ZNF714: variants seen among roughly 807,000 people sequenced by gnomAD.
The protein encoded by ZNF714 is zinc finger protein 714.
ZNF714 carries 32 observed loss-of-function variants against 46.2 expected under a neutral mutation model. The observed-to-expected ratio is 0.69, with a 90% CI of 0.52 to 0.93. The LOEUF (loss-of-function observed/expected upper bound fraction) is 0.93, where lower values mean the gene tolerates loss of function less well. Ranked by LOEUF, ZNF714 falls within the 40% of genes least tolerant of loss-of-function variation. ZNF714 has a pLI of 0.00. For missense variants in ZNF714, 635 were observed against 646.3 expected (o/e 0.98, Z 0.19); for synonymous variants, 199 against 213.1 (o/e 0.93, Z 0.58).
rs769652030 is a variant in ZNF714 at position 21,117,849 on chromosome 19, A to G, written c.1185A>G (p.Lys395=). Residue 395 remains lysine, a synonymous_variant, in exon 5 of 5, where the codon AAA becomes AAG. Transcript: ENST00000456283. ...TIHKIIHTGE[K]PYKCEECGKA... ...ATAAGATAATTCATACTGGAGAGAAACCTTACAAATGTGAAGAATGTGGCA... is the reference window on the plus strand; with the variant it reads ...ATAAGATAATTCATACTGGAGAGAAGCCTTACAAATGTGAAGAATGTGGCA... The G allele has an allele frequency of 1.9e-6, 3 of 1,612,296 alleles. No homozygotes were observed. The highest frequency in any genetic ancestry group is 2.7e-5 in the African/African-American group (2 of 74,986).
Position 21,118,681 on chromosome 19 carries a change from G to C in ZNF714, c.*349G>C, listed in dbSNP as rs1480950327. ...GAAACCCTACGAGGGTGAAAAACAT[G>C]GCAAAGCCTTTAACAAGCCCTCAAT... On this transcript the variant is annotated 3_prime_UTR_variant, in exon 5 of 5. Coordinates refer to ENST00000456283, the MANE Select transcript of ZNF714 (RefSeq NM_182515.4). The C allele has an allele frequency of 9.6e-6, 2 of 208,808 alleles. No individual in the cohort carries two copies. Among genetic ancestry groups the C allele is most frequent in the Non-Finnish European group, 2.0e-5 (2 of 99,524 alleles). The allele number at this position is 208,808 out of a possible 1,614,324, so 12.9% of individuals were successfully genotyped here. A position where few individuals can be genotyped will look rare whatever the true frequency, so the allele number is the denominator to read the frequency against.
In ZNF714 at chr19:21,118,391, G is replaced by T. The variant is rs552246498; in HGVS notation, c.*59G>T. 7 of 568,270 alleles carry T rather than the reference G, an allele frequency of 1.2e-5. No homozygotes were observed. The highest frequency in any genetic ancestry group is 9.7e-5 in the African/African-American group (5 of 51,712). The allele number at this position is 568,270 out of a possible 1,614,324, so 35.2% of individuals were successfully genotyped here. ...CATTTGAACCTGGGAGGCAGAGGTT[G>T]CAGTGAGCCAAGATCGCGCCATTCT... On this transcript the variant is annotated 3_prime_UTR_variant, in exon 5 of 5. Transcript: ENST00000456283.
At chr19:21,103,501 C>T (rs1363837601) in intron 4 of ZNF714, among the ~76,000 whole-genome samples, 1 of 151,906 alleles carries the variant, frequency 6.6e-6, no homozygotes, top group African/African-American at 2.4e-5. Flanking sequence ...TGCAGTGAGC[C>T]GAGATCACGC....
chr19:21,103,278 G>T, intron 4 of ZNF714, among the ~76,000 whole-genome samples: 1 of 151,916 alleles, frequency 6.6e-6, no homozygotes, highest in East Asian at 1.9e-4. Context: ...AACAGGCCTG[G>T]CTCGGTGGCT....
chr19:21,111,924 A>G (rs766381457), intron 4 of ZNF714, among the ~76,000 whole-genome samples: 6 of 152,252 alleles, frequency 3.9e-5, no homozygotes, highest in African/African-American at 9.6e-5. Context: ...CATCCCAGGA[A>G]TAAAGCTGAC....
chr19:21,124,935 T>C lies in ZNF714; in HGVS notation c.*6603T>C. On this transcript the variant is annotated 3_prime_UTR_variant, in exon 5 of 5. Coordinates refer to ENST00000456283, the MANE Select transcript of ZNF714 (RefSeq NM_182515.4). Reference sequence around the variant, plus strand: ...TATGTAATTTAAAATAATATAATTTTTTTCTTTTTTTTTTTTTTTTTTAAG... The same window carrying C: ...TATGTAATTTAAAATAATATAATTTCTTTCTTTTTTTTTTTTTTTTTTAAG... 1.2e-5 allele frequency: 1 copy of C among 86,486 alleles called. No homozygotes were observed. The highest frequency in any genetic ancestry group is 3.8e-5 in the African/African-American group (1 of 26,138). The allele number at this position is 86,486 out of a possible 1,614,324, so 5.4% of individuals were successfully genotyped here.
At chr19:21,093,613 T>C (rs1200254916) in intron 2 of ZNF714, among the ~76,000 whole-genome samples, 2 of 152,194 alleles carry the variant, frequency 1.3e-5, no homozygotes, top group Non-Finnish European at 2.9e-5. Flanking sequence ...TTTGTTTTTA[T>C]TAAATCTTCT....
intron 4 of ZNF714, among the ~76,000 whole-genome samples, chr19:21,112,510 CAAAA>C (rs34485136): frequency 6.7e-6 from 1 of 148,330 alleles, no homozygotes; most frequent in African/African-American, 2.5e-5. Flanking sequence ...TTAATTTTGT[CAAAA>C]AAACAGCTCC....
Position 21,109,862 on chromosome 19 carries a change from G to A in ZNF714, c.143-6945G>A, listed in dbSNP as rs148623668. ...ATGTCGTGTTTGGTTTTCTGTTCCT[G>A]TGTTAGTTTGCTGAAAATAATGGCT... is the stretch of plus-strand genomic sequence containing the variant. On this transcript the variant is annotated intron_variant, in intron 4 of 4. Coordinates refer to ENST00000456283, the MANE Select transcript of ZNF714 (RefSeq NM_182515.4). 9.1e-3 allele frequency among the ~76,000 whole-genome samples: 1,389 copies of A among 152,176 alleles called. 25 individuals are homozygous for A. Among genetic ancestry groups the A allele is most frequent in the South Asian group, 0.057 (273 of 4,820 alleles).
At chr19:21,110,050 GAA>G (rs1969415015) in intron 4 of ZNF714, among the ~76,000 whole-genome samples, 1 of 152,012 alleles carries the variant, frequency 6.6e-6, no homozygotes, top group South Asian at 2.1e-4. Context: ...GTGCTGCAGT[GAA>G]GATACACATC....
In ZNF714 at chr19:21,122,763, T is replaced by C. The variant is rs774004964; in HGVS notation, c.*4431T>C. The C allele has an allele frequency of 1.5e-4, 23 of 152,348 alleles. 1 individual carries two copies. Among genetic ancestry groups the C allele is most frequent in the African/African-American group, 5.3e-4 (22 of 41,578 alleles). 9.4% of individuals were successfully genotyped at this position (152,348 alleles called of 1,614,324 possible). On this transcript the variant is annotated 3_prime_UTR_variant, in exon 5 of 5. Transcript: ENST00000456283. ...CTTCACGCCATTTCATTTCGCCTGG[T>C]ATTTTGTAGATTTTGATGACAAAAT...
chr19:21,111,746 G>A (rs943521438), intron 4 of ZNF714, among the ~76,000 whole-genome samples: 8 of 152,080 alleles, frequency 5.3e-5, no homozygotes, highest in Admixed American at 3.3e-4. Flanking sequence ...CTATTTTGAT[G>A]TATGTTCCAT....
At position 21,118,444 on chromosome 19, in the gene ZNF714, T is replaced by TCGA. The variant is rs372040745; in HGVS notation, c.*113_*114insGAC. ...TCCAGCCTGGGCCACAAGGCAAGACTCTGTCTCAAAAAAAAAAAAAAAAAG... is the reference window on the plus strand; with the variant it reads ...TCCAGCCTGGGCCACAAGGCAAGACTCGACTGTCTCAAAAAAAAAAAAAAAAAG... On this transcript the variant is annotated 3_prime_UTR_variant, in exon 5 of 5. Coordinates refer to ENST00000456283, the MANE Select transcript of ZNF714 (RefSeq NM_182515.4). 2.0e-4 allele frequency: 56 copies of TCGA among 283,200 alleles called. No homozygotes were observed. The highest frequency in any genetic ancestry group is 1.5e-3 in the African/African-American group (56 of 37,722). 17.5% of individuals were successfully genotyped at this position (283,200 alleles called of 1,614,324 possible). A position where few individuals can be genotyped will look rare whatever the true frequency, so the allele number is the denominator to read the frequency against.
rs1474432810 is a variant in ZNF714, at chr19:21,123,441, G to A, written c.*5109G>A. ...GTGATCTTGGCTCACTGCAAGCTCCGCCTTCCGGGTTCACGCCATTCTCCC... is the reference window on the plus strand; with the variant it reads ...GTGATCTTGGCTCACTGCAAGCTCCACCTTCCGGGTTCACGCCATTCTCCC... On this transcript the variant is annotated 3_prime_UTR_variant, in exon 5 of 5. Transcript: ENST00000456283. 2.0e-5 allele frequency among the ~76,000 whole-genome samples: 3 copies of A among 151,828 alleles called. No individual in the cohort carries two copies. Among genetic ancestry groups the A allele is most frequent in the African/African-American group, 7.3e-5 (3 of 41,316 alleles).
intron 2 of ZNF714, among the ~76,000 whole-genome samples, chr19:21,096,353 G>C (rs969323309): frequency 6.6e-6 from 1 of 152,070 alleles, no homozygotes; most frequent in Non-Finnish European, 1.5e-5. Flanking sequence ...GGTGTTACTT[G>C]TCCAGAGAAT....
At chr19:21,092,100 C>G (rs913629631) in intron 2 of ZNF714, among the ~76,000 whole-genome samples, 1 of 152,190 alleles carries the variant, frequency 6.6e-6, no homozygotes, top group Non-Finnish European at 1.5e-5. Flanking sequence ...AGGCTCTGCT[C>G]TCCTGTACAC....
In ZNF714 at chr19:21,119,609, T is replaced by G. The variant is rs1043882651; in HGVS notation, c.*1277T>G. 1.3e-5 allele frequency: 2 copies of G among 152,134 alleles called. No homozygotes were observed. The highest frequency in any genetic ancestry group is 4.8e-5 in the African/African-American group (2 of 41,416). The allele number at this position is 152,134 out of a possible 1,614,324, so 9.4% of individuals were successfully genotyped here. A position where few individuals can be genotyped will look rare whatever the true frequency, so the allele number is the denominator to read the frequency against. On this transcript the variant is annotated 3_prime_UTR_variant, in exon 5 of 5. Transcript: ENST00000456283. The stretch of plus-strand genomic sequence containing the variant: ...GAAAAATCATGCAAATGTAGTAAAT[T>G]TGGAAAAACACTTTTTCAAAAACTA...
At chr19:21,090,494 G>A (rs771570535) in intron 2 of ZNF714, among the ~76,000 whole-genome samples, 2 of 152,154 alleles carry the variant, frequency 1.3e-5, no homozygotes, top group African/African-American at 2.4e-5. Flanking sequence ...TGAATATCCC[G>A]TAGTGTCAAA....
intron 2 of ZNF714, among the ~76,000 whole-genome samples, chr19:21,097,236 G>A (rs1969062926): frequency 1.3e-5 from 2 of 152,146 alleles, no homozygotes; most frequent in Non-Finnish European, 2.9e-5. Flanking sequence ...TTTCTAGGAT[G>A]CTAAAGAAAG....
Sources: allele counts gnomAD v4.1 joint callset (sites outside exome capture counted in the v4.1 genomes callset), GRCh38; gene constraint gnomAD v4.1.1; transcripts MANE v1.5; gene names NCBI Gene and HGNC (gene_info 2026-07-23, HGNC 2026-07-21).